The following RAD50 variants were observed in gnomAD, a reference collection of about 807,000 sequenced individuals.
The protein encoded by RAD50 is RAD50 double strand break repair protein.
A neutral mutation model predicts 168.8 loss-of-function variants in RAD50; 132 were observed. The ratio of observed to expected loss-of-function variants is 0.78; its 90% CI spans 0.68 to 0.90. The LOEUF (loss-of-function observed/expected upper bound fraction) is 0.90, where lower values mean the gene tolerates loss of function less well. Ranked by LOEUF, RAD50 falls within the 40% of genes least tolerant of loss-of-function variation. The pLI, the probability that RAD50 is intolerant of heterozygous loss-of-function variation, is 0.00. For missense variants in RAD50, 1,347 were observed against 1,534.4 expected, an observed-to-expected ratio of 0.88 and a Z score of 2.04; for synonymous variants, 525 against 497.4, an observed-to-expected ratio of 1.06 and a Z score of -0.74.
At chr5:132,621,706 A>G (rs537686485) in intron 21 of RAD50, among the ~76,000 whole-genome samples, 1 of 152,246 alleles carries the variant, frequency 6.6e-6, no homozygotes, top group South Asian at 2.1e-4. Flanking sequence ...GTTGGCCTCT[A>G]TGGTTACAGT....
intron 2 of RAD50, among the ~76,000 whole-genome samples, chr5:132,560,904 A>G (rs781045750): frequency 7.2e-5 from 11 of 152,196 alleles, no homozygotes; most frequent in Non-Finnish European, 1.6e-4. Flanking sequence ...TAAGATTTGT[A>G]TGTCCTCATT....
intron 20 of RAD50, 38 bp downstream of exon 20, chr5:132,616,168 C>T (rs1561650173): frequency 6.3e-7 from 1 of 1,584,894 alleles, no homozygotes; most frequent in Admixed American, 1.7e-5. Context: ...AAATAAACGT[C>T]TTTATTACTG....
chr5:132,588,143 C>T, intron 7 of RAD50, 54 bp downstream of exon 7: 1 of 1,546,506 alleles, frequency 6.5e-7, no homozygotes, highest in Non-Finnish European at 8.9e-7. Flanking sequence ...TATACATTTT[C>T]TGTATGAATG....
At position 132,559,362 on chromosome 5, in the gene RAD50, C is replaced by G; in HGVS notation, c.208C>G (p.Pro70Ala). 6.2e-7 allele frequency: 1 copy of G among 1,607,996 alleles called. No homozygotes were observed. The highest frequency in any genetic ancestry group is 1.1e-5 in the South Asian group (1 of 89,524). The part of the protein sequence containing the change: ...GTKGNTFVHD[P>A]KVAQETDVRA... ...CAAAGGAAATACATTTGTACACGAT[C>G]CCAAGGTAATGGTGCTAGTACAATT... The change falls in exon 2 of 25, where the codon CCC becomes GCC. Residue 70 changes from proline to alanine, a missense_variant. By Grantham distance (27) the Pro-to-Ala change is conservative. This residue lies in a region of RAD50 where 703 missense variants were observed against 767.7 expected (regional missense o/e 0.92). Coordinates refer to ENST00000378823, the MANE Select transcript of RAD50 (RefSeq NM_005732.4).
In RAD50 at chr5:132,604,045, A is replaced by G. The variant is rs769726226; in HGVS notation, c.2523A>G (p.Thr841=). ...AAGAGAAACAGCACAAGTTAGACAC[A>G]GGTAATACAGTCTGTGTCCTTCTGT... ...EKQEKQHKLD[T]VSSKIELNRK... Residue 841 remains threonine (T), a splice_region_variant and synonymous_variant, in exon 15 of 25, where the codon ACA becomes ACG. Coordinates refer to ENST00000378823, the MANE Select transcript of RAD50 (RefSeq NM_005732.4). 1 of 1,613,434 alleles carries G rather than the reference A, an allele frequency of 6.2e-7. No homozygotes were observed. Among genetic ancestry groups the G allele is most frequent in the East Asian group, 2.2e-5 (1 of 44,826 alleles).
chr5:132,625,287 C>T (rs1036811217), intron 21 of RAD50, among the ~76,000 whole-genome samples: 2 of 151,872 alleles, frequency 1.3e-5, no homozygotes, highest in Non-Finnish European at 2.9e-5. Context: ...GGGGTTTCAC[C>T]GTTTTAGCCG....
intron 7 of RAD50, 46 bp downstream of exon 7, chr5:132,588,135 T>C (rs1018067370): frequency 1.2e-5 from 19 of 1,561,390 alleles, no homozygotes; most frequent in Non-Finnish European, 1.6e-5. Flanking sequence ...TATGATGTTA[T>C]ACATTTTCTG....
intron 21 of RAD50, among the ~76,000 whole-genome samples, chr5:132,636,665 T>G (rs988857474): frequency 6.6e-6 from 1 of 152,148 alleles, no homozygotes; most frequent in African/African-American, 2.4e-5. Flanking sequence ...TGCAGGCCCC[T>G]TGGCTAACCG....
At chr5:132,640,910 C>G in intron 24 of RAD50, 105 bp downstream of exon 24, 3 of 1,569,902 alleles carry the variant, frequency 1.9e-6, no homozygotes, top group South Asian at 1.1e-5. Flanking sequence ...AAAACGTTCT[C>G]TAGCTGTGTT....
At chr5:132,579,240 A>G in intron 3 of RAD50, 77 bp from the exon 4 acceptor site, 4 of 1,426,092 alleles carry the variant, frequency 2.8e-6, no homozygotes, top group East Asian at 2.4e-5. Flanking sequence ...AAAGAAGTAC[A>G]GTATGAATTG....
rs1010279575 is a variant in RAD50, at chr5:132,643,640, G to GTTACT, written c.*1280_*1284dup. Reference sequence around the variant, plus strand: ...GTCCTGATTTCTAGAACCCGTGACTGTTACTTTATACAGCAAAGGAAACTT... The same window carrying GTTACT: ...GTCCTGATTTCTAGAACCCGTGACTGTTACTTTACTTTATACAGCAAAGGAAACTT... On this transcript the variant is annotated 3_prime_UTR_variant, in exon 25 of 25. Transcript: ENST00000378823. The GTTACT allele has an allele frequency of 1.4e-4, 21 of 153,240 alleles. No individual in the cohort carries two copies. The highest frequency in any genetic ancestry group is 5.0e-4 in the African/African-American group (19 of 37,792). 9.5% of individuals were successfully genotyped at this position (153,240 alleles called of 1,614,324 possible).
Position 132,580,039 on chromosome 5 carries a change from C to G in RAD50, c.729C>G (p.Ser243=). 1 of 1,612,494 alleles carries G rather than the reference C, an allele frequency of 6.2e-7. No homozygotes were observed. The change falls in exon 5 of 25, where the codon TCC becomes TCG. Residue 243 remains serine (S), a synonymous_variant. Coordinates refer to ENST00000378823, the MANE Select transcript of RAD50 (RefSeq NM_005732.4). ...CATCTTCAAAGGAAATTGTCAAATC[C>G]TATGAGAATGAACTTGATCCATTGA... ...QLTSSKEIVK[S]YENELDPLKN...
chr5:132,605,863 C>G (rs1480995936), intron 16 of RAD50, among the ~76,000 whole-genome samples: 2 of 152,138 alleles, frequency 1.3e-5, no homozygotes, highest in African/African-American at 2.4e-5. Flanking sequence ...ACTGAACAAC[C>G]TGCTCCCGAA....
chr5:132,564,905 G>A (rs62383710), intron 2 of RAD50, among the ~76,000 whole-genome samples: 26,348 of 152,110 alleles, frequency 0.17, 2,499 homozygotes, highest in South Asian at 0.22. Flanking sequence ...TAAGCCTGGG[G>A]TTGCGCAGAG....
At chr5:132,596,133 A>T (rs1473975556) in intron 13 of RAD50, among the ~76,000 whole-genome samples, 1 of 152,040 alleles carries the variant, frequency 6.6e-6, no homozygotes, top group Non-Finnish European at 1.5e-5. Context: ...AGCTGGGATT[A>T]CAGGCATGTA....
At chr5:132,623,684 A>G (rs1292819178) in intron 21 of RAD50, among the ~76,000 whole-genome samples, 2 of 152,142 alleles carry the variant, frequency 1.3e-5, no homozygotes, top group Admixed American at 6.5e-5. Flanking sequence ...CAGGAGAATT[A>G]TTACTTACCT....
At chr5:132,633,432 G>C (rs1751513217) in intron 21 of RAD50, among the ~76,000 whole-genome samples, 1 of 151,796 alleles carries the variant, frequency 6.6e-6, no homozygotes, top group Admixed American at 6.6e-5. Flanking sequence ...GGTATCTTTT[G>C]TAACTTTTAA....
In RAD50 at chr5:132,643,174, A is replaced by C; in HGVS notation, c.*810A>C. On this transcript the variant is annotated 3_prime_UTR_variant, in exon 25 of 25. Transcript: ENST00000378823. ...CATACTGGCTTCACCATCAATCCTG[A>C]TTCCTCTCTAAGTGGGCATTGCCAT... 2.3e-6 allele frequency: 1 copy of C among 428,422 alleles called. No individual in the cohort carries two copies. Among genetic ancestry groups the C allele is most frequent in the Non-Finnish European group, 5.0e-6 (1 of 199,332 alleles). The allele number at this position is 428,422 out of a possible 1,614,324, so 26.5% of individuals were successfully genotyped here. A position where few individuals can be genotyped will look rare whatever the true frequency, so the allele number is the denominator to read the frequency against.
At chr5:132,567,897 A>G (rs1170767195) in intron 2 of RAD50, among the ~76,000 whole-genome samples, 1 of 152,168 alleles carries the variant, frequency 6.6e-6, no homozygotes, top group Non-Finnish European at 1.5e-5. Flanking sequence ...AAGGAAGCCT[A>G]CTCAGTCGAA....
Sources: gnomAD v4.1 joint callset for allele counts (sites outside exome capture counted in the v4.1 genomes callset) on GRCh38, gnomAD v4.1.1 for gene constraint, gnomAD v4.1.1 regional missense constraint, MANE v1.5 for transcripts, NCBI Gene and HGNC (gene_info 2026-07-23, HGNC 2026-07-21) for gene names.